B3GALT1: variants seen among roughly 807,000 people sequenced by gnomAD.
B3GALT1 encodes the protein UDP-Gal:betaGlcNAc beta 1,3-galactosyltransferase, polypeptide 1.
In B3GALT1, 10 loss-of-function variants were observed where a neutral mutation model predicts 23.2. That is an observed-to-expected ratio of 0.43 (90% CI 0.27 to 0.73). The LOEUF is 0.73. Among genes scored for constraint, B3GALT1 ranks in the 30% least tolerant of loss-of-function variants. The probability of loss-of-function intolerance (pLI) is 0.21; values close to 1 mark genes in which losing one functional copy is unlikely to be tolerated. For synonymous variants in B3GALT1, 156 were observed against 141.5 expected (o/e 1.10, Z -0.73); for missense variants, 299 against 405.4 (o/e 0.74, Z 2.25).
chr2:167,831,908 TA>T (rs1210133477), intron 4 of B3GALT1, among the ~76,000 whole-genome samples: 2 of 152,208 alleles, frequency 1.3e-5, no homozygotes, highest in East Asian at 3.8e-4. Flanking sequence ...TTTACAGTGG[TA>T]AAACCTGAGA....
At chr2:167,419,766 G>C (rs1341429502) in intron 1 of B3GALT1, among the ~76,000 whole-genome samples, 2 of 152,128 alleles carry the variant, frequency 1.3e-5, no homozygotes, top group African/African-American at 4.8e-5. Context: ...ATTTTCAGTG[G>C]CTGTTTACTT....
chr2:167,714,648 T>A, intron 3 of B3GALT1: 2 of 1,613,882 alleles, frequency 1.2e-6, no homozygotes, highest in Non-Finnish European at 1.7e-6. Context: ...TCATTGAGGT[T>A]TCTTTCAGCA....
At chr2:167,407,907 A>G (rs1698327772) in intron 1 of B3GALT1, among the ~76,000 whole-genome samples, 1 of 152,090 alleles carries the variant, frequency 6.6e-6, no homozygotes, top group South Asian at 2.1e-4. Context: ...ACTTAAAGAA[A>G]AACTAATGCC....
At chr2:167,845,283 A>G (rs112327267) in intron 4 of B3GALT1, among the ~76,000 whole-genome samples, 1,640 of 152,290 alleles carry the variant, frequency 0.011, 26 homozygotes, top group African/African-American at 0.037. Flanking sequence ...GCAGAAGTCC[A>G]AGCAGCACAA....
chr2:167,636,838 G>T (rs1195751112), intron 2 of B3GALT1, among the ~76,000 whole-genome samples: 1 of 152,024 alleles, frequency 6.6e-6, no homozygotes, highest in African/African-American at 2.4e-5. Flanking sequence ...CCTGTCAGTG[G>T]GTGGGGGGCT....
In B3GALT1 at chr2:167,808,200, G is replaced by C. The variant is rs1688801097; in HGVS notation, c.-351-10472G>C. 1.3e-5 allele frequency among the ~76,000 whole-genome samples: 2 copies of C among 150,488 alleles called. 1 individual carries two copies. On this transcript the variant is annotated intron_variant, in intron 3 of 4. Transcript: ENST00000392690. ...TTATTTTGAGCCTATGTGTGTCTCTGCACGTGAGATGGGTTTCCTGAATAC... is the reference window on the plus strand; with the variant it reads ...TTATTTTGAGCCTATGTGTGTCTCTCCACGTGAGATGGGTTTCCTGAATAC...
chr2:167,478,937 T>G (rs1322767190), intron 1 of B3GALT1, among the ~76,000 whole-genome samples: 4 of 152,132 alleles, frequency 2.6e-5, no homozygotes, highest in African/African-American at 9.7e-5. Context: ...CATTGTAATA[T>G]TTTGGATTGT....
chr2:167,519,134 T>G (rs949962859), intron 2 of B3GALT1, among the ~76,000 whole-genome samples: 1 of 152,154 alleles, frequency 6.6e-6, no homozygotes, highest in African/African-American at 2.4e-5. Flanking sequence ...CATCATCATT[T>G]TATATGATGT....
chr2:167,873,229 C>G lies in B3GALT1; in HGVS notation c.*3209C>G, dbSNP rs1014591408. On this transcript the variant is annotated 3_prime_UTR_variant, in exon 5 of 5. Transcript: ENST00000392690. Reference sequence around the variant, plus strand: ...ATCAGTGTCTATGTTCTTAAAGTTCCTTTTTTTAATTTACTTTTTGGAAAA... The same window carrying G: ...ATCAGTGTCTATGTTCTTAAAGTTCGTTTTTTTAATTTACTTTTTGGAAAA... 4 of 151,978 alleles carry G rather than the reference C, an allele frequency of 2.6e-5. No homozygotes were observed. Among genetic ancestry groups the G allele is most frequent in the African/African-American group, 9.7e-5 (4 of 41,376 alleles). The allele number at this position is 151,978 out of a possible 1,614,324, so 9.4% of individuals were successfully genotyped here.
chr2:167,834,462 T>C (rs978285473), intron 4 of B3GALT1, among the ~76,000 whole-genome samples: 3 of 152,230 alleles, frequency 2.0e-5, no homozygotes, highest in South Asian at 2.1e-4. Context: ...TGTGGTCTCT[T>C]TTCCAGAAGA....
chr2:167,838,216 C>CA (rs1480305973), intron 4 of B3GALT1, among the ~76,000 whole-genome samples: 1 of 151,982 alleles, frequency 6.6e-6, no homozygotes, highest in South Asian at 2.1e-4. Flanking sequence ...AAAAACCCTT[C>CA]AAAAAATTAA....
chr2:167,710,229 A>G (rs1687027942), intron 3 of B3GALT1, among the ~76,000 whole-genome samples: 1 of 152,222 alleles, frequency 6.6e-6, no homozygotes, highest in South Asian at 2.1e-4. Flanking sequence ...TACAGAATTA[A>G]GTGTAGGAAT....
intron 1 of B3GALT1, among the ~76,000 whole-genome samples, chr2:167,405,534 T>C (rs958528439): frequency 7.9e-5 from 12 of 152,080 alleles, no homozygotes; most frequent in African/African-American, 2.9e-4. Context: ...TTATTTCTTA[T>C]AAGGAGATCA....
chr2:167,610,007 A>C (rs969962826), intron 2 of B3GALT1, among the ~76,000 whole-genome samples: 1 of 152,164 alleles, frequency 6.6e-6, no homozygotes, highest in Non-Finnish European at 1.5e-5. Flanking sequence ...ACAGTTAAGA[A>C]TATTTCATTT....
intron 3 of B3GALT1, among the ~76,000 whole-genome samples, chr2:167,659,165 AC>A (rs2105470821): frequency 6.6e-6 from 1 of 152,262 alleles, no homozygotes; most frequent in South Asian, 2.1e-4. Flanking sequence ...AGATATAGAT[AC>A]CTGAACAGTT....
intron 3 of B3GALT1, among the ~76,000 whole-genome samples, chr2:167,752,093 A>G (rs920512633): frequency 2.6e-5 from 4 of 152,128 alleles, no homozygotes; most frequent in African/African-American, 9.7e-5. Context: ...TTTGACACAT[A>G]AAGAACTTTT....
At chr2:167,347,681 A>G (rs746956046) in intron 1 of B3GALT1, among the ~76,000 whole-genome samples, 5 of 152,214 alleles carry the variant, frequency 3.3e-5, no homozygotes, top group Non-Finnish European at 7.4e-5. Context: ...TCAGTATATA[A>G]AGTGTAGATC....
intron 1 of B3GALT1, among the ~76,000 whole-genome samples, chr2:167,301,128 C>T (rs1408635785): frequency 6.6e-6 from 1 of 152,104 alleles, no homozygotes; most frequent in South Asian, 2.1e-4. Context: ...AAAGGTTGAT[C>T]AAGGCAATGA....
At chr2:167,710,305 T>C (rs1254480737) in intron 3 of B3GALT1, among the ~76,000 whole-genome samples, 1 of 152,250 alleles carries the variant, frequency 6.6e-6, no homozygotes, top group African/African-American at 2.4e-5. Flanking sequence ...GCTTATGTAC[T>C]CAAGATCCCT....
Sources: gnomAD v4.1 joint callset for allele counts (sites outside exome capture counted in the v4.1 genomes callset) on GRCh38, gnomAD v4.1.1 for gene constraint, MANE v1.5 for transcripts, NCBI Gene and HGNC (gene_info 2026-07-23, HGNC 2026-07-21) for gene names.